Variants in LRRK2 observed in about 807,000 individuals in gnomAD.
LRRK2 encodes leucine-rich repeat serine/threonine-protein kinase 2.
Under a neutral mutation model 302.6 loss-of-function variants are expected in LRRK2, and 203 were observed. The observed-to-expected ratio is 0.67, with a 90% CI of 0.60 to 0.75. The LOEUF is 0.75. Among genes scored for constraint, LRRK2 ranks in the 30% least tolerant of loss-of-function variants. LRRK2 has a pLI of 0.00. For synonymous variants in LRRK2, 1,066 were observed against 1,031.9 expected, an observed-to-expected ratio of 1.03 and a Z score of -0.63; for missense variants, 2,830 against 2,951.0, an observed-to-expected ratio of 0.96 and a Z score of 0.95.
At chr12:40,231,845 C>G (rs1185195994) in intron 2 of LRRK2, among the ~76,000 whole-genome samples, 1 of 149,742 alleles carries the variant, frequency 6.7e-6, no homozygotes, top group Non-Finnish European at 1.5e-5. Flanking sequence ...GCTCTGTCAT[C>G]CAGGCTAGAG....
intron 43 of LRRK2, among the ~76,000 whole-genome samples, chr12:40,351,125 T>G (rs1463498152): frequency 6.6e-6 from 1 of 152,170 alleles, no homozygotes; most frequent in African/African-American, 2.4e-5. Flanking sequence ...ACTTCTAAAT[T>G]TTGTTACCAA....
chr12:40,267,211 T>G (rs1273085023), intron 14 of LRRK2, among the ~76,000 whole-genome samples: 1 of 152,188 alleles, frequency 6.6e-6, no homozygotes, highest in Admixed American at 6.5e-5. Context: ...TGGACTACAA[T>G]GCAAATGCTG....
chr12:40,354,442 G>C lies in LRRK2; in HGVS notation c.6720G>C (p.Lys2240Asn). Residue 2240 changes from lysine to asparagine, a missense_variant, in exon 45 of 51, where the codon AAG (lysine) becomes AAC (asparagine). Transcript: ENST00000298910. Reference protein sequence around the residue: ...EDGKKRHTLEKMTDSVTCLYC... With the variant: ...EDGKKRHTLENMTDSVTCLYC... ...GGAAAAAGAGACATACCCTAGAAAA[G>C]ATGACTGATTCTGTCACTTGTTTGT... 1 of 1,614,126 alleles carries C rather than the reference G, an allele frequency of 6.2e-7. No individual in the cohort carries two copies. The highest frequency in any genetic ancestry group is 1.1e-5 in the South Asian group (1 of 91,078).
At chr12:40,311,081 A>G (rs1945021085) in intron 31 of LRRK2, among the ~76,000 whole-genome samples, 1 of 151,794 alleles carries the variant, frequency 6.6e-6, no homozygotes, top group African/African-American at 2.4e-5. Context: ...TTCCTGTTTT[A>G]TGGACATCTT....
chr12:40,367,312 A>G, intron 50 of LRRK2: 1 of 469,772 alleles, frequency 2.1e-6, no homozygotes, highest in South Asian at 3.1e-5. Context: ...GCTCAACCTT[A>G]AACGAAATGT....
intron 33 of LRRK2, among the ~76,000 whole-genome samples, chr12:40,315,582 T>TTTGGTTACTGAATTAGTCAA: frequency 6.6e-6 from 1 of 152,106 alleles, no homozygotes. Flanking sequence ...ATGTCATTGG[T>TTTGGTTACTGAATTAGTCAA]TTGGTTACTG....
intron 42 of LRRK2, among the ~76,000 whole-genome samples, 200 bp downstream of exon 42, chr12:40,347,123 G>A (rs183220139): frequency 2.2e-3 from 333 of 152,124 alleles, no homozygotes; most frequent in Non-Finnish European, 3.6e-3. Context: ...TAAAAAATCC[G>A]CAATTAATAT....
At chr12:40,276,964 A>G (rs1013072251) in intron 16 of LRRK2, among the ~76,000 whole-genome samples, 2 of 152,016 alleles carry the variant, frequency 1.3e-5, no homozygotes, top group African/African-American at 4.8e-5. Flanking sequence ...GATCCACCTC[A>G]GCCTCCTGAG....
At chr12:40,238,495 A>G (rs534935653) in intron 5 of LRRK2, among the ~76,000 whole-genome samples, 169 of 152,348 alleles carry the variant, frequency 1.1e-3, no homozygotes, top group African/African-American at 3.9e-3. Context: ...CTGAAGGTTT[A>G]CAAAGTGTCC....
At chr12:40,278,775 C>A (rs1328553019) in intron 18 of LRRK2, among the ~76,000 whole-genome samples, 2 of 152,140 alleles carry the variant, frequency 1.3e-5, no homozygotes, top group Non-Finnish European at 2.9e-5. Context: ...CTCTTCCCTC[C>A]TGAACCATGT....
chr12:40,367,092 G>GAT lies in LRRK2; in HGVS notation c.7462+17_7462+18dup. 1 of 1,595,374 alleles carries GAT rather than the reference G, an allele frequency of 6.3e-7. No individual in the cohort carries two copies. The highest frequency in any genetic ancestry group is 1.1e-5 in the South Asian group (1 of 90,650). ...AAAGCAGAAAGGTAACATTTAGAAG[G>GAT]ATACTGTTTTCCAAACAGGGCAATG... On this transcript the variant is annotated intron_variant, in intron 50 of 50. Transcript: ENST00000298910.
intron 19 of LRRK2, chr12:40,286,717 C>T (rs1013384108): frequency 1.3e-5 from 2 of 153,208 alleles, no homozygotes; most frequent in East Asian, 3.8e-4. Context: ...TTGAAGAAAT[C>T]TTCCTGGCTG....
intron 41 of LRRK2, among the ~76,000 whole-genome samples, chr12:40,341,278 T>A (rs569361182): frequency 1.1e-4 from 17 of 152,340 alleles, no homozygotes; most frequent in African/African-American, 4.1e-4. Context: ...TCTTGCTGAT[T>A]GCAACTCAAT....
intron 7 of LRRK2, among the ~76,000 whole-genome samples, chr12:40,244,771 A>G (rs1297742773): frequency 6.6e-6 from 1 of 150,828 alleles, no homozygotes; most frequent in African/African-American, 2.4e-5. Context: ...ATTGGGAGAT[A>G]TACCTAATGC....
intron 10 of LRRK2, 96 bp from the exon 11 acceptor site, chr12:40,252,814 C>A: frequency 1.2e-6 from 1 of 811,322 alleles, no homozygotes; most frequent in Admixed American, 1.9e-5. Flanking sequence ...TTTATATGCT[C>A]TTAATTGTTG....
intron 23 of LRRK2, 103 bp from the exon 24 acceptor site, chr12:40,298,134 GAAAATT>G: frequency 8.5e-7 from 1 of 1,171,898 alleles, no homozygotes; most frequent in South Asian, 1.4e-5. Context: ...TCAACTTTTT[GAAAATT>G]CTTGATGGTT....
At position 40,238,092 on chromosome 12, in the gene LRRK2, T is replaced by C; in HGVS notation, c.560T>C (p.Leu187Pro). 6.2e-7 allele frequency: 1 copy of C among 1,613,526 alleles called. No homozygotes were observed. Among genetic ancestry groups the C allele is most frequent in the Non-Finnish European group, 8.5e-7 (1 of 1,179,718 alleles). Residue 187 changes from leucine (L) to proline (P), a missense_variant, in exon 5 of 51, where the codon CTG becomes CCG. This residue lies in a region of LRRK2 where 2,121 missense variants were observed against 2,148.0 expected (regional missense o/e 0.99). Coordinates refer to ENST00000298910, the MANE Select transcript of LRRK2 (RefSeq NM_198578.4). ...CTTGGATGCAAAGCTTTACATGTGC[T>C]GTTTGAGAGAGGTATTTTAAAATGT... is the stretch of plus-strand genomic sequence containing the variant. ...QKLGCKALHV[L>P]FERVSEEQLT... is the part of the protein sequence containing the mutation.
intron 18 of LRRK2, among the ~76,000 whole-genome samples, chr12:40,283,616 G>A (rs148255416): frequency 3.3e-4 from 50 of 152,288 alleles, no homozygotes; most frequent in African/African-American, 1.2e-3. Context: ...CAAGCCTGTG[G>A]AGCTTTGTCT....
intron 14 of LRRK2, among the ~76,000 whole-genome samples, chr12:40,268,581 G>A (rs1943114230): frequency 6.6e-6 from 1 of 151,998 alleles, no homozygotes; most frequent in South Asian, 2.1e-4. Context: ...AATGAAAATT[G>A]ATCTATGTTT....
Sources: gnomAD v4.1 joint callset for allele counts (sites outside exome capture counted in the v4.1 genomes callset) on GRCh38, gnomAD v4.1.1 for gene constraint, gnomAD v4.1.1 regional missense constraint, MANE v1.5 for transcripts, NCBI Gene and HGNC (gene_info 2026-07-23, HGNC 2026-07-21) for gene names.